Variants in PAX8 observed in about 807,000 individuals in gnomAD.
PAX8 encodes paired box protein Pax-8.
PAX8 carries 15 observed loss-of-function variants against 52.4 expected under a neutral mutation model. The ratio of observed to expected loss-of-function variants is 0.29; its 90% CI spans 0.19 to 0.44. PAX8 has a LOEUF of 0.44. PAX8 is among the 20% of genes least tolerant of loss of function. The probability of loss-of-function intolerance (pLI) is 1.00; values close to 1 mark genes in which losing one functional copy is unlikely to be tolerated. For missense variants in PAX8, 554 were observed against 602.5 expected (o/e 0.92, Z 0.84); for synonymous variants, 284 against 249.7 (o/e 1.14, Z -1.29).
intron 2 of PAX8, chr2:113,263,459 G>A (rs1450680510): frequency 1.3e-5 from 2 of 152,700 alleles, no homozygotes; most frequent in African/African-American, 4.8e-5. Context: ...TGTCAAGTAA[G>A]TGATTCTTAA....
intron 2 of PAX8, chr2:113,266,306 G>A (rs534080491): frequency 7.2e-4 from 109 of 152,322 alleles, no homozygotes; most frequent in African/African-American, 2.5e-3. Flanking sequence ...GTGTGCTCCA[G>A]GGATGCTGAG....
At chr2:113,242,471 C>G (rs541426955) in intron 5 of PAX8, among the ~76,000 whole-genome samples, 6 of 152,242 alleles carry the variant, frequency 3.9e-5, no homozygotes, top group African/African-American at 1.4e-4. Context: ...AGAGCTGTCT[C>G]AAGTGTTTGC....
At chr2:113,233,330 G>T (rs1425708794) in intron 9 of PAX8, among the ~76,000 whole-genome samples, 1 of 137,870 alleles carries the variant, frequency 7.3e-6, no homozygotes, top group Admixed American at 7.3e-5. Context: ...ATGTACGGAG[G>T]AAAAAAAAAA....
intron 9 of PAX8, among the ~76,000 whole-genome samples, chr2:113,227,895 T>C (rs950950871): frequency 2.6e-5 from 4 of 152,194 alleles, no homozygotes; most frequent in Admixed American, 2.0e-4. Flanking sequence ...AACCCCAACC[T>C]AGAAGGAGAT....
At chr2:113,260,431 G>A (rs1020755759) in intron 2 of PAX8, among the ~76,000 whole-genome samples, 1 of 152,094 alleles carries the variant, frequency 6.6e-6, no homozygotes, top group African/African-American at 2.4e-5. Flanking sequence ...AGGTTCTACA[G>A]CTCAAAGTTA....
rs549923460 is a variant in PAX8, at chr2:113,219,505, T to C, written c.1276+587A>G. Reference sequence around the variant, plus strand: ...GGTGAAGAGAAGCCTGGAAGCTCGCTGAAGCTCACTCTCTGGACCTCGACC... The same window carrying C: ...GGTGAAGAGAAGCCTGGAAGCTCGCCGAAGCTCACTCTCTGGACCTCGACC... On this transcript the variant is annotated intron_variant, in intron 11 of 11. Coordinates refer to ENST00000429538, the MANE Select transcript of PAX8 (RefSeq NM_003466.4). 2.2e-4 allele frequency among the ~76,000 whole-genome samples: 33 copies of C among 152,352 alleles called. No homozygotes were observed. The East Asian group carries it at 4.8e-3, about 22-fold the overall frequency.
At chr2:113,277,825 T>C (rs1693933194) in intron 2 of PAX8, among the ~76,000 whole-genome samples, 1 of 152,014 alleles carries the variant, frequency 6.6e-6, no homozygotes, top group Non-Finnish European at 1.5e-5. Flanking sequence ...GCCTGCCCGG[T>C]GCTGGGCCAG....
At chr2:113,226,028 C>T in intron 10 of PAX8, 1 of 985,716 alleles carries the variant, frequency 1.0e-6, no homozygotes, top group South Asian at 4.7e-5. Context: ...AAGCACATCG[C>T]CACGGTAACC....
intron 7 of PAX8, chr2:113,240,508 G>C (rs1690729343): frequency 1.3e-5 from 2 of 152,270 alleles, no homozygotes; most frequent in African/African-American, 4.8e-5. Flanking sequence ...CTCCTCATCT[G>C]GTTGACTTGG....
chr2:113,273,709 T>G (rs1053805229), intron 2 of PAX8: 1 of 152,228 alleles, frequency 6.6e-6, no homozygotes, highest in African/African-American at 2.4e-5. Flanking sequence ...ATATCTTCAC[T>G]AAATTACTGT....
At chr2:113,223,772 C>A (rs1317716889) in intron 10 of PAX8, among the ~76,000 whole-genome samples, 1 of 152,140 alleles carries the variant, frequency 6.6e-6, no homozygotes, top group African/African-American at 2.4e-5. Flanking sequence ...ATTTATTGTC[C>A]ATTTGTCTTC....
intron 2 of PAX8, among the ~76,000 whole-genome samples, chr2:113,264,351 G>C (rs544381229): frequency 6.6e-6 from 1 of 152,186 alleles, no homozygotes; most frequent in Non-Finnish European, 1.5e-5. Flanking sequence ...TCCCTCAAAG[G>C]CTGCATTTCT....
At chr2:113,244,333 T>G in intron 4 of PAX8, 94 bp downstream of exon 4, 1 of 970,716 alleles carries the variant, frequency 1.0e-6, no homozygotes, top group South Asian at 1.3e-5. Flanking sequence ...TCCCGGCCTC[T>G]GCTCCACCCA....
intron 2 of PAX8, among the ~76,000 whole-genome samples, chr2:113,262,989 C>A (rs1294051666): frequency 6.6e-6 from 1 of 152,242 alleles, no homozygotes; most frequent in Non-Finnish European, 1.5e-5. Flanking sequence ...AGTTTTAGAG[C>A]TTTAGCCCTG....
chr2:113,271,598 G>C (rs1693462450), intron 2 of PAX8: 1 of 151,388 alleles, frequency 6.6e-6, no homozygotes, highest in Non-Finnish European at 1.5e-5. Context: ...GATGAGGAAA[G>C]CAAGCTGATA....
At position 113,231,828 on chromosome 2, in the gene PAX8, A is replaced by G. The variant is rs576638666; in HGVS notation, c.1087+3566T>C. On this transcript the variant is annotated intron_variant, in intron 9 of 11. Coordinates refer to ENST00000429538, the MANE Select transcript of PAX8 (RefSeq NM_003466.4). ...ACCGCAACCTCCGCCTCCTGGGTTT[A>G]AGCAATTCTCCTGCCTCAGCCTCCC... is the stretch of plus-strand genomic sequence containing the variant. Among the ~76,000 whole-genome samples the G allele has an allele frequency of 9.2e-5, 14 of 152,292 alleles. 1 individual carries two copies. The South Asian group carries it at 2.9e-3, about 32-fold the overall frequency.
At chr2:113,226,734 GA>G in intron 10 of PAX8, 1 of 1,131,906 alleles carries the variant, frequency 8.8e-7, no homozygotes, top group Non-Finnish European at 1.1e-6. Context: ...GGTAAACTGG[GA>G]TTCATCAGAG....
At chr2:113,223,508 A>G (rs995953276) in intron 10 of PAX8, among the ~76,000 whole-genome samples, 38 of 152,088 alleles carry the variant, frequency 2.5e-4, no homozygotes, top group Admixed American at 2.5e-3. Context: ...TTAAAACTCG[A>G]CCCAGCCACT....
chr2:113,226,119 C>G, intron 10 of PAX8: 4 of 985,532 alleles, frequency 4.1e-6, no homozygotes, highest in Non-Finnish European at 4.8e-6. Flanking sequence ...CCTCCCTTCC[C>G]TCTGCCCAGG....
Sources: gnomAD v4.1 joint callset for allele counts (sites outside exome capture counted in the v4.1 genomes callset) on GRCh38, gnomAD v4.1.1 for gene constraint, MANE v1.5 for transcripts, NCBI Gene and HGNC (gene_info 2026-07-23, HGNC 2026-07-21) for gene names.